ASPG: variants seen among roughly 807,000 people sequenced by gnomAD.
ASPG encodes the protein asparaginase, also known as 60 kDa lysophospholipase.
Under a neutral mutation model 63.2 loss-of-function variants are expected in ASPG, and 53 were observed. That is an observed-to-expected ratio of 0.84 (90% CI 0.67 to 1.05). The LOEUF (loss-of-function observed/expected upper bound fraction) is 1.05. Ranked by LOEUF, ASPG falls within the 50% of genes least tolerant of loss-of-function variation. The pLI, the probability that ASPG is intolerant of heterozygous loss-of-function variation, is 0.00. For synonymous variants in ASPG, 370 were observed against 355.0 expected (o/e 1.04, Z -0.48); for missense variants, 741 against 794.4 (o/e 0.93, Z 0.81).
chr14:104,089,161 C>T (rs2036295916), intron 1 of ASPG, among the ~76,000 whole-genome samples: 1 of 152,012 alleles, frequency 6.6e-6, no homozygotes, highest in Non-Finnish European at 1.5e-5. Context: ...GCTGGGACTA[C>T]AGGCGCCCGC....
In ASPG at chr14:104,112,521, C is replaced by T. The variant is rs2037411805; in HGVS notation, c.1702-3C>T. 2.7e-6 allele frequency: 4 copies of T among 1,477,316 alleles called. No homozygotes were observed. Among genetic ancestry groups the T allele is most frequent in the South Asian group, 1.1e-5 (1 of 87,968 alleles). The allele number at this position is 1,477,316 out of a possible 1,614,324, so 91.5% of individuals were successfully genotyped here. On this transcript the variant is annotated splice_polypyrimidine_tract_variant and splice_region_variant and intron_variant, in intron 15 of 15. Transcript: ENST00000551177. ...TCCTTCTCAGGAGCCCTCATGTTTT[C>T]AGGAAGTGCTGCCTGGTGTCTAACC...
intron 6 of ASPG, among the ~76,000 whole-genome samples, chr14:104,100,624 C>T (rs2036834534): frequency 6.6e-6 from 1 of 152,160 alleles, no homozygotes; most frequent in Non-Finnish European, 1.5e-5. Context: ...CCCTGGAGCA[C>T]CTTCTAGGGA....
At chr14:104,102,480 G>T (rs896839200) in intron 6 of ASPG, among the ~76,000 whole-genome samples, 1 of 152,226 alleles carries the variant, frequency 6.6e-6, no homozygotes, top group Non-Finnish European at 1.5e-5. Context: ...CTCTCCAGGC[G>T]CCCAGGCCCT....
chr14:104,096,027 C>T (rs531513211), intron 4 of ASPG, among the ~76,000 whole-genome samples: 13 of 152,292 alleles, frequency 8.5e-5, no homozygotes, highest in South Asian at 4.2e-4. Flanking sequence ...CGCACAGAGC[C>T]GCACCAGGAG....
In ASPG at chr14:104,091,889, A is replaced by G. The variant is rs1215496233; in HGVS notation, c.83-744A>G. 6.6e-6 allele frequency among the ~76,000 whole-genome samples: 1 copy of G among 151,914 alleles called. No homozygotes were observed. The highest frequency in any genetic ancestry group is 2.4e-5 in the African/African-American group (1 of 41,306). Reference sequence around the variant, plus strand: ...GGTGGCTGAGGGGTCAGGGCTTTATACTGAGCAGCTGGCCCCAGGGAATGA... The same window carrying G: ...GGTGGCTGAGGGGTCAGGGCTTTATGCTGAGCAGCTGGCCCCAGGGAATGA... On this transcript the variant is annotated intron_variant, in intron 1 of 15. Transcript: ENST00000551177. This position sits in a 1 kb window ranked among gnomAD's most constrained non-coding sequence, Gnocchi z 6.4.
In ASPG at chr14:104,109,231, A is replaced by T. The variant is rs530004690; in HGVS notation, c.1436A>T (p.His479Leu). Reference protein sequence around the residue: ...SPLLLAVRGRHPGVIGLLREA... With the variant: ...SPLLLAVRGRLPGVIGLLREA... ...TCAGCATGCTCATTCTCACACAGGC[A>T]TCCGGGTGTCATTGGGTTGCTGCGG... Residue 479 changes from histidine to leucine, a missense_variant and splice_region_variant, in exon 13 of 16, where the codon CAT becomes CTT. Coordinates refer to ENST00000551177, the MANE Select transcript of ASPG (RefSeq NM_001080464.3). The surrounding 1 kb of genome is among the most constrained non-coding windows in gnomAD (Gnocchi z 4.8). The T allele has an allele frequency of 1.2e-6, 2 of 1,613,116 alleles. No individual in the cohort carries two copies. Among genetic ancestry groups the T allele is most frequent in the South Asian group, 2.2e-5 (2 of 90,890 alleles).
At chr14:104,107,827 G>A (rs956783187) in intron 12 of ASPG, among the ~76,000 whole-genome samples, 5 of 152,338 alleles carry the variant, frequency 3.3e-5, no homozygotes, top group East Asian at 1.9e-4. Flanking sequence ...CGTGGGGGGC[G>A]GGGCCAGCAC....
Position 104,109,320 on chromosome 14 carries a change from G to A in ASPG, c.1520+5G>A. 3 of 1,605,530 alleles carry A rather than the reference G, an allele frequency of 1.9e-6. No individual in the cohort carries two copies. The highest frequency in any genetic ancestry group is 3.4e-5 in the Admixed American group (2 of 59,150). On this transcript the variant is annotated splice_donor_5th_base_variant and intron_variant, in intron 13 of 15. Coordinates refer to ENST00000551177, the MANE Select transcript of ASPG (RefSeq NM_001080464.3). This position sits in a 1 kb window ranked among gnomAD's most constrained non-coding sequence, Gnocchi z 4.8. The stretch of plus-strand genomic sequence containing the variant: ...AGCAGGGACGGAGCTGTGCAGGTGA[G>A]TGCAGCTAGAGCACCTGCTCTTCCA...
intron 1 of ASPG, 124 bp downstream of exon 1, chr14:104,085,976 T>C: frequency 1.1e-6 from 1 of 892,140 alleles, no homozygotes; most frequent in Non-Finnish European, 1.6e-6. Flanking sequence ...GGGTGCGGGC[T>C]GAGGTCGCTC....
At chr14:104,099,098 A>G in intron 6 of ASPG, 119 bp downstream of exon 6, 2 of 1,445,208 alleles carry the variant, frequency 1.4e-6, no homozygotes, top group South Asian at 2.6e-5. Context: ...CTTGGTTCTG[A>G]CTTGCCCTGG....
At chr14:104,086,847 C>G (rs960886370) in intron 1 of ASPG, among the ~76,000 whole-genome samples, 1 of 152,070 alleles carries the variant, frequency 6.6e-6, no homozygotes, top group Non-Finnish European at 1.5e-5. Flanking sequence ...CAGCGCAGCT[C>G]TCTCTCCTGG....
Position 104,109,847 on chromosome 14 carries a change from C to CCAGTGTG in ASPG, c.1520+534_1520+540dup, listed in dbSNP as rs2037311949. On this transcript the variant is annotated intron_variant, in intron 13 of 15. Transcript: ENST00000551177. The surrounding 1 kb of genome is among the most constrained non-coding windows in gnomAD (Gnocchi z 4.8). ...CCTGCTGGCCGCATGGCACCAGTGG[C>CCAGTGTG]CAGTGTGCCTTCCGATCTCATGCTG... 6.6e-6 allele frequency among the ~76,000 whole-genome samples: 1 copy of CCAGTGTG among 152,110 alleles called. No individual in the cohort carries two copies. The highest frequency in any genetic ancestry group is 1.5e-5 in the Non-Finnish European group (1 of 68,020).
rs1237339139 is a variant in ASPG at position 104,103,631 on chromosome 14, G to C, written c.709G>C (p.Asp237His). 1 of 1,548,142 alleles carries C rather than the reference G, an allele frequency of 6.5e-7. No homozygotes were observed. Among genetic ancestry groups the C allele is most frequent in the East Asian group, 2.4e-5 (1 of 40,910 alleles). ...GLVVHSSMEQ[D>H]VGLLRLYPGI... ...GGTGGTGCACAGCAGCATGGAGCAG[G>C]ACGTGGGCCTGCTGCGCCTCTACCC... Residue 237 changes from aspartate to histidine, a missense_variant, in exon 7 of 16, where the codon GAC becomes CAC. Asp to His is a moderately conservative substitution (Grantham distance 81). Coordinates refer to ENST00000551177, the MANE Select transcript of ASPG (RefSeq NM_001080464.3).
intron 2 of ASPG, 81 bp from the exon 3 acceptor site, chr14:104,093,410 G>C: frequency 7.7e-7 from 1 of 1,290,724 alleles, no homozygotes; most frequent in Non-Finnish European, 1.1e-6. Context: ...GAGGGGAACA[G>C]AGCGGGTCAG....
chr14:104,094,634 G>C (rs1258585874), intron 3 of ASPG, among the ~76,000 whole-genome samples: 2 of 152,168 alleles, frequency 1.3e-5, no homozygotes, highest in African/African-American at 4.8e-5. Flanking sequence ...CCAGCAGCAG[G>C]GTGGCAGGCA....
chr14:104,108,647 T>G, intron 12 of ASPG: 1 of 985,446 alleles, frequency 1.0e-6, no homozygotes, highest in South Asian at 4.7e-5. Flanking sequence ...GCCTCCGGCC[T>G]CGGGCCTTTG....
At chr14:104,088,751 A>G (rs1395808906) in intron 1 of ASPG, among the ~76,000 whole-genome samples, 2 of 152,088 alleles carry the variant, frequency 1.3e-5, no homozygotes, top group East Asian at 3.9e-4. Context: ...ACAAGTTTCT[A>G]AGCCTAAGCT....
intron 10 of ASPG, among the ~76,000 whole-genome samples, chr14:104,106,220 A>C (rs2037120740): frequency 6.6e-6 from 1 of 152,228 alleles, no homozygotes; most frequent in Non-Finnish European, 1.5e-5. Flanking sequence ...CAGCCTTGTC[A>C]CCAGGCCACG....
chr14:104,098,621 T>A (rs553278156), intron 5 of ASPG, among the ~76,000 whole-genome samples: 2 of 151,728 alleles, frequency 1.3e-5, no homozygotes, highest in African/African-American at 4.8e-5. Context: ...GGCCCTGGGG[T>A]CCCCAGGCCC....
Sources: gnomAD v4.1 joint callset for allele counts (sites outside exome capture counted in the v4.1 genomes callset) on GRCh38, gnomAD v4.1.1 for gene constraint, Gnocchi (gnomAD v3.1) non-coding constraint, MANE v1.5 for transcripts, NCBI Gene and HGNC (gene_info 2026-07-23, HGNC 2026-07-21) for gene names.